The following ALK variants were observed in gnomAD, a reference collection of about 807,000 sequenced individuals.
ALK encodes the protein ALK receptor tyrosine kinase, also known as ALK tyrosine kinase receptor.
In ALK, 74 loss-of-function variants were observed where a neutral mutation model predicts 163.1. The observed-to-expected ratio is 0.45, with a 90% confidence interval of 0.38 to 0.55. The LOEUF is 0.55. ALK is among the 20% of genes least tolerant of loss of function. The probability of loss-of-function intolerance (pLI) is 0.00; values close to 1 mark genes in which losing one functional copy is unlikely to be tolerated. For missense variants in ALK, 2,063 were observed against 2,105.3 expected, an observed-to-expected ratio of 0.98 and a Z score of 0.39; for synonymous variants, 960 against 843.2, an observed-to-expected ratio of 1.14 and a Z score of -2.40.
intron 1 of ALK, among the ~76,000 whole-genome samples, chr2:29,737,822 G>T (rs954091840): frequency 4.6e-5 from 7 of 152,048 alleles, no homozygotes; most frequent in African/African-American, 1.7e-4. Flanking sequence ...TTTTGGGATG[G>T]TTCCTCAGAA....
At chr2:29,477,060 A>G (rs528170314) in intron 4 of ALK, among the ~76,000 whole-genome samples, 19 of 152,278 alleles carry the variant, frequency 1.2e-4, no homozygotes, top group Admixed American at 1.0e-3. Context: ...AGGGACACCC[A>G]GGCTAGAAAG....
At chr2:29,590,800 G>A (rs1675030518) in intron 3 of ALK, among the ~76,000 whole-genome samples, 1 of 151,572 alleles carries the variant, frequency 6.6e-6, no homozygotes, top group South Asian at 2.1e-4. Context: ...GGCCGGGCGC[G>A]GTGGCTCACG....
intron 8 of ALK, among the ~76,000 whole-genome samples, chr2:29,303,995 C>T (rs374189965): frequency 2.2e-4 from 33 of 152,184 alleles, no homozygotes; most frequent in African/African-American, 7.2e-4. Flanking sequence ...TATTGCATAA[C>T]GTAACAAACC....
At chr2:29,591,070 CAAAAAAAAAAAA>C (rs35070273) in intron 3 of ALK, among the ~76,000 whole-genome samples, 22 of 46,908 alleles carry the variant, frequency 4.7e-4, no homozygotes, top group African/African-American at 1.0e-3. Context: ...GACTCCGTCT[CAAAAAAAAAAAA>C]AAAAAAAAAA....
intron 3 of ALK, among the ~76,000 whole-genome samples, chr2:29,572,998 C>T (rs1424161665): frequency 6.6e-6 from 1 of 152,232 alleles, no homozygotes; most frequent in Non-Finnish European, 1.5e-5. Context: ...TCTGAGCTCA[C>T]CATCCCGTCT....
chr2:29,760,320 C>A (rs904232007), intron 1 of ALK, among the ~76,000 whole-genome samples: 3 of 152,156 alleles, frequency 2.0e-5, no homozygotes, highest in Non-Finnish European at 4.4e-5. Flanking sequence ...CTGGGCAACT[C>A]CAGGCAAGCT....
At chr2:29,713,919 T>C (rs906400752) in intron 2 of ALK, among the ~76,000 whole-genome samples, 8 of 152,094 alleles carry the variant, frequency 5.3e-5, no homozygotes, top group Admixed American at 5.2e-4. Flanking sequence ...GTTTAAAAAG[T>C]TGATGTGATT....
chr2:29,575,735 G>A (rs578225782), intron 3 of ALK, among the ~76,000 whole-genome samples: 4 of 152,168 alleles, frequency 2.6e-5, no homozygotes, highest in Non-Finnish European at 5.9e-5. Context: ...AATTTTGCCG[G>A]CAGATAAGTG....
At chr2:29,279,991 C>G (rs1452271041) in intron 9 of ALK, among the ~76,000 whole-genome samples, 1 of 151,886 alleles carries the variant, frequency 6.6e-6, no homozygotes, top group East Asian at 1.9e-4. Context: ...ACCAGGTAGA[C>G]TACCAAGGGA....
chr2:29,712,010 T>A (rs1016763923), intron 2 of ALK, among the ~76,000 whole-genome samples: 2 of 152,232 alleles, frequency 1.3e-5, no homozygotes, highest in Admixed American at 6.5e-5. Context: ...AACATAGAGA[T>A]AAATTGTTCA....
At chr2:29,396,836 G>GTTTGTTTTT (rs1669318858) in intron 4 of ALK, among the ~76,000 whole-genome samples, 1 of 46,604 alleles carries the variant, frequency 2.1e-5, no homozygotes, top group African/African-American at 9.3e-5. Context: ...TGTTACTATG[G>GTTTGTTTTT]TTTTTTTTTT....
At chr2:29,837,581 T>G (rs765290313) in intron 1 of ALK, among the ~76,000 whole-genome samples, 1 of 152,166 alleles carries the variant, frequency 6.6e-6, no homozygotes, top group Admixed American at 6.5e-5. Context: ...GATAAATTCA[T>G]AGAAGCCCCA....
intron 1 of ALK, among the ~76,000 whole-genome samples, chr2:29,862,545 C>G (rs60804249): frequency 6.6e-6 from 1 of 151,858 alleles, no homozygotes; most frequent in Non-Finnish European, 1.5e-5. Context: ...ATTAAAAAAC[C>G]TACAAATAAA....
chr2:29,209,937 G>A (rs1669420288), intron 24 of ALK, 59 bp from the exon 25 acceptor site: 33 of 1,346,012 alleles, frequency 2.5e-5, no homozygotes, highest in East Asian at 2.3e-5. Context: ...GTGTACAACG[G>A]CCATCACTAG....
intron 27 of ALK, 66 bp downstream of exon 27, chr2:29,197,476 T>C (rs2148142981): frequency 6.2e-7 from 1 of 1,605,804 alleles, no homozygotes; most frequent in Non-Finnish European, 8.5e-7. Context: ...CATATGTGGC[T>C]CTGGATATTT....
chr2:29,716,396 T>C (rs1184059368), intron 2 of ALK, among the ~76,000 whole-genome samples: 5 of 152,246 alleles, frequency 3.3e-5, no homozygotes, highest in Admixed American at 6.5e-5. Flanking sequence ...TCTGTCCTTA[T>C]GGTGTTCACC....
chr2:29,598,704 T>C (rs1285127036), intron 3 of ALK, among the ~76,000 whole-genome samples: 1 of 152,122 alleles, frequency 6.6e-6, no homozygotes, highest in East Asian at 1.9e-4. Context: ...GAAAAAAGAA[T>C]GGAAGGAAAT....
At chr2:29,702,441 G>A (rs192777407) in intron 2 of ALK, among the ~76,000 whole-genome samples, 2 of 152,218 alleles carry the variant, frequency 1.3e-5, no homozygotes, top group African/African-American at 4.8e-5. Context: ...CTATAAAGTT[G>A]GGCCTGGGAT....
At chr2:29,457,972 G>T (rs536729032) in intron 4 of ALK, among the ~76,000 whole-genome samples, 1 of 152,224 alleles carries the variant, frequency 6.6e-6, no homozygotes, top group East Asian at 1.9e-4. Flanking sequence ...AGTCAGGAAG[G>T]TCTCAGATGC....
Sources: allele counts gnomAD v4.1 joint callset (sites outside exome capture counted in the v4.1 genomes callset), GRCh38; gene constraint gnomAD v4.1.1; transcripts MANE v1.5; gene names NCBI Gene and HGNC (gene_info 2026-07-23, HGNC 2026-07-21).